FMN2: variants seen among roughly 807,000 people sequenced by gnomAD.
The protein encoded by FMN2 is formin-2.
Under a neutral mutation model 142.3 loss-of-function variants are expected in FMN2, and 51 were observed. That is an observed-to-expected ratio of 0.36 (90% CI 0.29 to 0.45). The LOEUF (loss-of-function observed/expected upper bound fraction) is 0.45, where lower values mean the gene tolerates loss of function less well. Ranked by LOEUF, FMN2 falls within the 20% of genes least tolerant of loss-of-function variation. The pLI, the probability that FMN2 is intolerant of heterozygous loss-of-function variation, is 1.00. For synonymous variants in FMN2, 882 were observed against 869.8 expected (o/e 1.01, Z -0.25); for missense variants, 1,936 against 2,122.8 (o/e 0.91, Z 1.73).
chr1:240,362,585 G>A lies in FMN2; in HGVS notation c.4858+6677G>A, dbSNP rs796431135. On this transcript the variant is annotated intron_variant, in intron 14 of 17. Coordinates refer to ENST00000319653, the MANE Select transcript of FMN2 (RefSeq NM_020066.5). ...GTATACACACAAAAAACATATTATCGCTGAACTATAAAGAACCTTAGGTGG... is the reference window on the plus strand; with the variant it reads ...GTATACACACAAAAAACATATTATCACTGAACTATAAAGAACCTTAGGTGG... Among the ~76,000 whole-genome samples, 29 of 151,840 alleles carry A rather than the reference G, an allele frequency of 1.9e-4. 1 individual carries two copies. The highest frequency in any genetic ancestry group is 6.3e-4 in the African/African-American group (26 of 41,414).
At chr1:240,367,629 G>A (rs1292971151) in intron 14 of FMN2, among the ~76,000 whole-genome samples, 1 of 151,838 alleles carries the variant, frequency 6.6e-6, no homozygotes, top group Admixed American at 6.6e-5. Context: ...TAAGCCGGGA[G>A]TGGTGGTGGG....
intron 16 of FMN2, among the ~76,000 whole-genome samples, chr1:240,456,321 A>G (rs547410876): frequency 1.3e-5 from 2 of 152,282 alleles, no homozygotes; most frequent in Non-Finnish European, 2.9e-5. Flanking sequence ...TACTCATTCT[A>G]TAGTGTGAGT....
chr1:240,100,385 T>C (rs571573062), intron 1 of FMN2, among the ~76,000 whole-genome samples: 19 of 152,210 alleles, frequency 1.2e-4, no homozygotes, highest in Non-Finnish European at 1.9e-4. Context: ...TAAGGAACCA[T>C]TAGGAAGAAA....
At chr1:240,351,681 A>T (rs1643287268) in intron 13 of FMN2, among the ~76,000 whole-genome samples, 1 of 152,230 alleles carries the variant, frequency 6.6e-6, no homozygotes, top group South Asian at 2.1e-4. Context: ...ACATTAGAGT[A>T]AAAATGAAGA....
intron 6 of FMN2, among the ~76,000 whole-genome samples, chr1:240,249,529 TGTGATACCTCCA>T (rs1668205666): frequency 6.6e-6 from 1 of 152,142 alleles, no homozygotes; most frequent in African/African-American, 2.4e-5. Context: ...GGTCAGGCAG[TGTGATACCTCCA>T]GCTTTGTTTG....
intron 8 of FMN2, among the ~76,000 whole-genome samples, chr1:240,296,799 A>T (rs1670004917): frequency 6.6e-6 from 1 of 152,204 alleles, no homozygotes; most frequent in Non-Finnish European, 1.5e-5. Context: ...GTACCCATTA[A>T]GCATGGTGAG....
intron 7 of FMN2, among the ~76,000 whole-genome samples, chr1:240,268,215 G>A (rs746782524): frequency 2.0e-5 from 3 of 152,006 alleles, no homozygotes; most frequent in Non-Finnish European, 4.4e-5. Flanking sequence ...TAAGTTCAAG[G>A]GGAACATGTC....
chr1:240,436,154 G>A (rs1018130339), intron 15 of FMN2, among the ~76,000 whole-genome samples: 5 of 152,276 alleles, frequency 3.3e-5, no homozygotes, highest in South Asian at 4.1e-4. Context: ...GCATTCTAAC[G>A]TCATTACCAT....
At chr1:240,139,889 G>T (rs1266104779) in intron 2 of FMN2, among the ~76,000 whole-genome samples, 2 of 152,194 alleles carry the variant, frequency 1.3e-5, no homozygotes, top group African/African-American at 4.8e-5. Context: ...GTGGTTTAAA[G>T]AGTAGGCTAC....
At chr1:240,168,401 A>G (rs1664567222) in intron 2 of FMN2, among the ~76,000 whole-genome samples, 2 of 152,084 alleles carry the variant, frequency 1.3e-5, no homozygotes, top group East Asian at 3.9e-4. Flanking sequence ...AGCCTGGGCA[A>G]CATAGCAAGA....
At position 240,200,818 on chromosome 1, in the gene FMN2, A is replaced by G. The variant is rs531485140; in HGVS notation, c.1987-5981A>G. Among the ~76,000 whole-genome samples, 15 of 152,300 alleles carry G rather than the reference A, an allele frequency of 9.8e-5. No individual in the cohort carries two copies. In the South Asian group the frequency reaches 3.1e-3, roughly 32 times the overall value. ...CAACTCTTTTTCCATGTTCTCTTCT[A>G]TCAAAATGATCTGTACAAAAAAGTT... is the stretch of plus-strand genomic sequence containing the variant. On this transcript the variant is annotated intron_variant, in intron 4 of 17. Transcript: ENST00000319653.
At chr1:240,346,064 T>G (rs938976001) in intron 13 of FMN2, among the ~76,000 whole-genome samples, 1 of 151,980 alleles carries the variant, frequency 6.6e-6, no homozygotes, top group Non-Finnish European at 1.5e-5. Flanking sequence ...GAAAAGCAAG[T>G]TGTAGGAAAA....
chr1:240,360,848 A>G (rs1375765432), intron 14 of FMN2, among the ~76,000 whole-genome samples: 2 of 151,990 alleles, frequency 1.3e-5, no homozygotes, highest in African/African-American at 2.4e-5. Context: ...GGAAACCATC[A>G]TTCTCAGCAA....
intron 16 of FMN2, among the ~76,000 whole-genome samples, chr1:240,454,505 G>A (rs12402275): frequency 0.75 from 113,275 of 152,022 alleles, 42,364 homozygotes; most frequent in Middle Eastern, 0.83. Flanking sequence ...TCGCACCACT[G>A]CACTTCAGCC....
chr1:240,401,821 A>G lies in FMN2; in HGVS notation c.4910+9259A>G, dbSNP rs538826172. ...AAGAAGGCAGGGCTGCGTGGTGGACAGGACGCTGACATTTCCTCTTAGCCT... is the reference window on the plus strand; with the variant it reads ...AAGAAGGCAGGGCTGCGTGGTGGACGGGACGCTGACATTTCCTCTTAGCCT... On this transcript the variant is annotated intron_variant, in intron 15 of 17. Coordinates refer to ENST00000319653, the MANE Select transcript of FMN2 (RefSeq NM_020066.5). Among the ~76,000 whole-genome samples the G allele has an allele frequency of 4.2e-4, 64 of 152,352 alleles. 1 individual carries two copies. Among genetic ancestry groups the G allele is most frequent in the Admixed American group, 1.0e-3 (16 of 15,302 alleles).
intron 15 of FMN2, among the ~76,000 whole-genome samples, chr1:240,419,525 A>G (rs868035435): frequency 3.3e-5 from 5 of 152,204 alleles, no homozygotes; most frequent in Non-Finnish European, 4.4e-5. Flanking sequence ...CCAGGATTCC[A>G]TTACTTCTGA....
chr1:240,312,472 C>T (rs1670631557), intron 8 of FMN2, among the ~76,000 whole-genome samples: 1 of 152,192 alleles, frequency 6.6e-6, no homozygotes, highest in South Asian at 2.1e-4. Flanking sequence ...TACTCCCATT[C>T]TCTCTGATCT....
At chr1:240,446,661 G>T (rs1282039825) in intron 16 of FMN2, among the ~76,000 whole-genome samples, 1 of 152,124 alleles carries the variant, frequency 6.6e-6, no homozygotes, top group African/African-American at 2.4e-5. Flanking sequence ...ACTTTCAAAT[G>T]GTTATAATTT....
At chr1:240,142,858 C>T (rs1460240762) in intron 2 of FMN2, 21 of 1,591,980 alleles carry the variant, frequency 1.3e-5, no homozygotes, top group Non-Finnish European at 1.7e-5. Context: ...GCCTGGCCTA[C>T]ATGGACAGAC....
Sources: gnomAD v4.1 joint callset for allele counts (sites outside exome capture counted in the v4.1 genomes callset) on GRCh38, gnomAD v4.1.1 for gene constraint, MANE v1.5 for transcripts, NCBI Gene and HGNC (gene_info 2026-07-23, HGNC 2026-07-21) for gene names.